MCOLN2: variants seen among roughly 807,000 people sequenced by gnomAD.
The protein encoded by MCOLN2 is mucolipin TRP cation channel 2.
MCOLN2 carries 57 observed loss-of-function variants against 67.5 expected under a neutral mutation model. The ratio of observed to expected loss-of-function variants is 0.84; its 90% CI spans 0.68 to 1.05. MCOLN2 has a LOEUF of 1.05. MCOLN2 is among the 50% of genes least tolerant of loss of function. The pLI, the probability that MCOLN2 is intolerant of heterozygous loss-of-function variation, is 0.00. For missense variants in MCOLN2, 620 were observed against 678.8 expected, an observed-to-expected ratio of 0.91 and a Z score of 0.96; for synonymous variants, 246 against 233.3, an observed-to-expected ratio of 1.05 and a Z score of -0.50.
intron 1 of MCOLN2, among the ~76,000 whole-genome samples, chr1:84,980,245 G>T (rs761323647): frequency 6.6e-6 from 1 of 151,962 alleles, no homozygotes; most frequent in Non-Finnish European, 1.5e-5. Context: ...ACACTCCAAA[G>T]GAATCTACAG....
At chr1:84,935,080 G>A (rs1647347155) in intron 11 of MCOLN2, among the ~76,000 whole-genome samples, 1 of 152,130 alleles carries the variant, frequency 6.6e-6, no homozygotes, top group African/African-American at 2.4e-5. Context: ...GCTTTTCAAG[G>A]CTTCAGGTAA....
intron 1 of MCOLN2, among the ~76,000 whole-genome samples, chr1:84,966,569 AG>A (rs756618028): frequency 3.9e-5 from 6 of 152,226 alleles, no homozygotes; most frequent in Non-Finnish European, 7.3e-5. Context: ...CTCTGTACTG[AG>A]AGAAGGACTA....
chr1:84,968,066 C>G (rs536664419), intron 1 of MCOLN2, among the ~76,000 whole-genome samples: 91 of 152,252 alleles, frequency 6.0e-4, no homozygotes, highest in African/African-American at 2.1e-3. Flanking sequence ...ACTCAGCTTC[C>G]GTTCTGTGGC....
chr1:84,937,106 C>G (rs529693606), intron 11 of MCOLN2, among the ~76,000 whole-genome samples: 2 of 152,308 alleles, frequency 1.3e-5, no homozygotes, highest in South Asian at 4.1e-4. Flanking sequence ...AAAACCAAGG[C>G]TTACCTAGTT....
intron 1 of MCOLN2, among the ~76,000 whole-genome samples, chr1:84,990,981 T>C (rs920377773): frequency 3.3e-5 from 5 of 152,030 alleles, no homozygotes; most frequent in Admixed American, 6.5e-5. Flanking sequence ...CATTTTAAAG[T>C]CTAGAAGCAT....
Position 84,941,219 on chromosome 1 carries a change from A to G in MCOLN2, c.848-228T>C, listed in dbSNP as rs1030909070. On this transcript the variant is annotated intron_variant, in intron 7 of 13. Coordinates refer to ENST00000370608, the MANE Select transcript of MCOLN2 (RefSeq NM_153259.4). Reference sequence around the variant, plus strand: ...CATTTAAAAACATGTGAGCTGGGCCAGGCACGGTGGCTCACGCCTGTAATC... The same window carrying G: ...CATTTAAAAACATGTGAGCTGGGCCGGGCACGGTGGCTCACGCCTGTAATC... 7.2e-5 allele frequency among the ~76,000 whole-genome samples: 11 copies of G among 152,366 alleles called. No homozygotes were observed. In the East Asian group the frequency reaches 9.7e-4, roughly 13 times the overall value.
rs1448183869 is a variant in MCOLN2 at position 84,987,511 on chromosome 1, C to CATATATACATATATACAT, written c.77+9284_77+9285insATGTATATATGTATATAT. ...ATACATATGTATACATAGATGTATA[C>CATATATACATATATACAT]ATATGTATATATGTATACATCTATG... On this transcript the variant is annotated intron_variant, in intron 1 of 13. Transcript: ENST00000370608. Among the ~76,000 whole-genome samples, 9 of 26,550 alleles carry CATATATACATATATACAT rather than the reference C, an allele frequency of 3.4e-4. 3 individuals carry two copies. The highest frequency in any genetic ancestry group is 1.8e-3 in the African/African-American group (7 of 3,994). The allele number at this position is 26,550 out of a possible 152,430, so 17.4% of individuals were successfully genotyped here.
At chr1:84,960,786 A>G (rs114738943) in intron 2 of MCOLN2, among the ~76,000 whole-genome samples, 210 of 152,320 alleles carry the variant, frequency 1.4e-3, no homozygotes, top group Non-Finnish European at 2.5e-3. Context: ...AACTACTGAC[A>G]CATATGAAAA....
chr1:84,935,887 G>A (rs894924468), intron 11 of MCOLN2, among the ~76,000 whole-genome samples: 2 of 152,114 alleles, frequency 1.3e-5, no homozygotes, highest in African/African-American at 2.4e-5. Context: ...GAATGAAGCC[G>A]ATTACATGGC....
At position 84,996,998 on chromosome 1, in the gene MCOLN2, C is replaced by T. The variant is rs781645186; in HGVS notation, c.-126G>A. On this transcript the variant is annotated 5_prime_UTR_variant, in exon 1 of 14. Transcript: ENST00000370608. ...TTGGAGCCCTGCAAAGCGGGGTTCC[C>T]TTCTCTTACCCTTTCTGCCGGCCGC... 190 of 809,480 alleles carry T rather than the reference C, an allele frequency of 2.3e-4. No individual in the cohort carries two copies. Among genetic ancestry groups the T allele is most frequent in the Non-Finnish European group, 3.6e-4 (180 of 495,120 alleles). 50.1% of individuals were successfully genotyped at this position (809,480 alleles called of 1,614,324 possible).
intron 11 of MCOLN2, among the ~76,000 whole-genome samples, chr1:84,934,949 G>C (rs1472199919): frequency 6.6e-6 from 1 of 152,208 alleles, no homozygotes; most frequent in East Asian, 1.9e-4. Flanking sequence ...CCAGCTATCA[G>C]TCAAACGGTT....
At chr1:84,929,330 T>C (rs1261415108) in intron 13 of MCOLN2, among the ~76,000 whole-genome samples, 3 of 152,224 alleles carry the variant, frequency 2.0e-5, no homozygotes, top group South Asian at 4.1e-4. Flanking sequence ...AAGAGTCTTA[T>C]AGTATTTCTA....
At chr1:84,927,973 A>C in intron 13 of MCOLN2, among the ~76,000 whole-genome samples, 1 of 152,126 alleles carries the variant, frequency 6.6e-6, no homozygotes, top group East Asian at 1.9e-4. Flanking sequence ...ATGGAGTCAA[A>C]GCCATCACTT....
intron 1 of MCOLN2, among the ~76,000 whole-genome samples, chr1:84,984,427 TG>T (rs895047811): frequency 2.0e-4 from 31 of 152,194 alleles, no homozygotes; most frequent in African/African-American, 6.3e-4. Context: ...CAAATCTACC[TG>T]GTTGCTTTCT....
intron 1 of MCOLN2, among the ~76,000 whole-genome samples, chr1:84,977,537 A>G (rs1361235906): frequency 6.6e-6 from 1 of 152,166 alleles, no homozygotes; most frequent in African/African-American, 2.4e-5. Flanking sequence ...AAATAAAGGG[A>G]TGGAGAAAGA....
chr1:84,932,128 C>T (rs759777371), intron 11 of MCOLN2, among the ~76,000 whole-genome samples: 1 of 151,930 alleles, frequency 6.6e-6, no homozygotes, highest in Non-Finnish European at 1.5e-5. Flanking sequence ...ATATCTAAAA[C>T]CAGGATCTAA....
chr1:84,978,483 C>T (rs1371155121), intron 1 of MCOLN2, among the ~76,000 whole-genome samples: 1 of 151,812 alleles, frequency 6.6e-6, no homozygotes, highest in African/African-American at 2.4e-5. Flanking sequence ...AAAACTTTAG[C>T]CAGAGAGAAG....
At chr1:84,957,810 A>G (rs1394624342) in intron 3 of MCOLN2, among the ~76,000 whole-genome samples, 1 of 152,220 alleles carries the variant, frequency 6.6e-6, no homozygotes, top group East Asian at 1.9e-4. Flanking sequence ...ATTAAGCTCT[A>G]TAAAGGAAGG....
Position 84,931,409 on chromosome 1 carries a change from G to A in MCOLN2, c.1495C>T (p.Leu499Phe), listed in dbSNP as rs1393729076. The A allele has an allele frequency of 6.3e-7, 1 of 1,596,930 alleles. No individual in the cohort carries two copies. Among genetic ancestry groups the A allele is most frequent in the East Asian group, 2.2e-5 (1 of 44,778 alleles). Residue 499 changes from leucine to phenylalanine, a missense_variant, in exon 12 of 14, where the codon CTC (leucine) becomes TTC (phenylalanine). Leu to Phe is a conservative substitution (Grantham distance 22). Transcript: ENST00000370608. The stretch of plus-strand genomic sequence containing the variant: ...GTAATAAGTGCAATAAAAAGACTGA[G>A]AATCATATATATAAAAAGGCTGATG... ...SFISLFIYMILSLFIALITDS... is the reference protein window; with the variant it reads ...SFISLFIYMIFSLFIALITDS...
Sources: allele counts gnomAD v4.1 joint callset (sites outside exome capture counted in the v4.1 genomes callset), GRCh38; gene constraint gnomAD v4.1.1; transcripts MANE v1.5; gene names NCBI Gene and HGNC (gene_info 2026-07-23, HGNC 2026-07-21).